Variants in MRPL30 observed in about 807,000 individuals in gnomAD.
MRPL30 encodes the protein mitochondrial ribosomal protein L30.
Under a neutral mutation model 17.2 loss-of-function variants are expected in MRPL30, and 10 were observed. The observed-to-expected ratio is 0.58, with a 90% CI of 0.36 to 0.99. The LOEUF is 0.99. MRPL30 is among the 50% of genes least tolerant of loss of function. MRPL30 has a pLI of 0.01. For missense variants in MRPL30, 170 were observed against 189.8 expected (o/e 0.90, Z 0.61); for synonymous variants, 61 against 62.1 (o/e 0.98, Z 0.08).
chr2:99,195,072 T>A, intron 4 of MRPL30, 44 bp from the exon 5 acceptor site: 4 of 1,503,024 alleles, frequency 2.7e-6, no homozygotes, highest in Non-Finnish European at 3.6e-6. Context: ...TGGAACTATC[T>A]GCTTTTCAGA....
At chr2:99,183,402 C>T (rs982623940) in intron 1 of MRPL30, among the ~76,000 whole-genome samples, 1 of 152,058 alleles carries the variant, frequency 6.6e-6, no homozygotes, top group African/African-American at 2.4e-5. Flanking sequence ...AACCCCGTCT[C>T]CACTAAAAAT....
chr2:99,195,702 C>G lies in MRPL30; in HGVS notation c.483C>G (p.Ser161=), dbSNP rs772760414. 1 of 1,611,808 alleles carries G rather than the reference C, an allele frequency of 6.2e-7. No homozygotes were observed. The highest frequency in any genetic ancestry group is 1.3e-5 in the African/African-American group (1 of 74,834). The change falls in exon 6 of 6, where the codon TCC becomes TCG. Residue 161 remains serine (S), a synonymous_variant. Coordinates refer to ENST00000338148, the MANE Select transcript of MRPL30 (RefSeq NM_145212.4). ...CTGTGGAGCAGAAAGCACATGAGTC[C>G]TAATGCCCCAGCAGCTTCCGATTGG... is the stretch of plus-strand genomic sequence containing the variant. ...LKPVEQKAHE[S]
intron 3 of MRPL30, among the ~76,000 whole-genome samples, chr2:99,189,868 C>T (rs1030543463): frequency 6.6e-6 from 1 of 151,932 alleles, no homozygotes; most frequent in Non-Finnish European, 1.5e-5. Context: ...CCATCCATCT[C>T]CAGAACTCTT....
At chr2:99,187,553 C>T (rs911467463) in intron 2 of MRPL30, among the ~76,000 whole-genome samples, 39 of 152,254 alleles carry the variant, frequency 2.6e-4, no homozygotes, top group African/African-American at 9.4e-4. Flanking sequence ...CGGCTGGGCG[C>T]GGTGGCTCAC....
intron 3 of MRPL30, among the ~76,000 whole-genome samples, chr2:99,191,816 G>A (rs146134384): frequency 6.6e-5 from 10 of 152,062 alleles, no homozygotes; most frequent in African/African-American, 9.6e-5. Flanking sequence ...CAACATAGTC[G>A]CGCATAGTTT....
chr2:99,195,634 C>T lies in MRPL30; in HGVS notation c.415C>T (p.Leu139Phe). ...AGAGGAGAACATGTCTAACACGTGC[C>T]TCAAAAGCACTGGGGAGTTAGTAGT... ...PAEENMSNTC[L>F]KSTGELVVQW... Residue 139 changes from leucine (L) to phenylalanine (F), a missense_variant, in exon 6 of 6, where the codon CTC (leucine) becomes TTC (phenylalanine). Coordinates refer to ENST00000338148, the MANE Select transcript of MRPL30 (RefSeq NM_145212.4). The T allele has an allele frequency of 6.2e-7, 1 of 1,613,652 alleles. No individual in the cohort carries two copies. The highest frequency in any genetic ancestry group is 1.1e-5 in the South Asian group (1 of 90,996).
Position 99,186,977 on chromosome 2 carries a change from G to A in MRPL30, c.51+723G>A, listed in dbSNP as rs547920881. ...ATCTGCTCATAAGGGCCAGAGCCTA[G>A]ATGAGCCTATTGACCTGCTCCTGGC... On this transcript the variant is annotated intron_variant, in intron 2 of 5. Transcript: ENST00000338148. 2.6e-5 allele frequency: 4 copies of A among 152,394 alleles called. 1 individual carries two copies. The highest frequency in any genetic ancestry group is 4.1e-4 in the South Asian group (2 of 4,826). The allele number at this position is 152,394 out of a possible 1,614,324, so 9.4% of individuals were successfully genotyped here.
intron 3 of MRPL30, among the ~76,000 whole-genome samples, chr2:99,191,217 G>T (rs2093945083): frequency 6.6e-6 from 1 of 152,104 alleles, no homozygotes; most frequent in South Asian, 2.1e-4. Context: ...ATGCTGGCCA[G>T]GATGGTCTTG....
intron 3 of MRPL30, among the ~76,000 whole-genome samples, chr2:99,193,475 T>C (rs925807497): frequency 6.6e-6 from 1 of 152,214 alleles, no homozygotes; most frequent in Non-Finnish European, 1.5e-5. Flanking sequence ...TCCCCAGAGC[T>C]ATGACTCTTG....
chr2:99,192,229 T>G (rs2093947687), intron 3 of MRPL30, among the ~76,000 whole-genome samples: 1 of 152,286 alleles, frequency 6.6e-6, no homozygotes, highest in East Asian at 1.9e-4. Context: ...AATCAATGCT[T>G]CTCTAGCTGC....
At chr2:99,184,824 T>C (rs1340995483) in intron 1 of MRPL30, among the ~76,000 whole-genome samples, 1 of 152,222 alleles carries the variant, frequency 6.6e-6, no homozygotes, top group African/African-American at 2.4e-5. Flanking sequence ...GGAGATGTCT[T>C]GCGTTGATTC....
At chr2:99,193,781 G>A (rs548322825) in intron 3 of MRPL30, among the ~76,000 whole-genome samples, 1 of 152,234 alleles carries the variant, frequency 6.6e-6, no homozygotes, top group East Asian at 1.9e-4. Context: ...GTTCACACCT[G>A]TAATCCTAGC....
intron 3 of MRPL30, among the ~76,000 whole-genome samples, chr2:99,192,549 TG>T (rs2093948480): frequency 6.6e-6 from 1 of 152,240 alleles, no homozygotes; most frequent in African/African-American, 2.4e-5. Context: ...TCCATGTCCC[TG>T]CAAAGGACAT....
chr2:99,185,832 T>G (rs1462259942), intron 1 of MRPL30: 1 of 444,734 alleles, frequency 2.2e-6, no homozygotes. Flanking sequence ...TTGGAATTTC[T>G]TCAGTCCCTT....
intron 3 of MRPL30, among the ~76,000 whole-genome samples, chr2:99,190,801 G>T (rs1201265315): frequency 1.3e-5 from 2 of 152,100 alleles, no homozygotes; most frequent in African/African-American, 4.8e-5. Flanking sequence ...AATGCATACT[G>T]GGCTTCATAC....
intron 3 of MRPL30, among the ~76,000 whole-genome samples, chr2:99,191,774 C>G (rs914118187): frequency 6.6e-6 from 1 of 152,156 alleles, no homozygotes; most frequent in African/African-American, 2.4e-5. Context: ...CCTTCATTAA[C>G]TCTGTATCCC....
intron 4 of MRPL30, 104 bp from the exon 5 acceptor site, chr2:99,195,012 T>A: frequency 7.4e-7 from 1 of 1,350,176 alleles, no homozygotes; most frequent in Non-Finnish European, 1.0e-6. Flanking sequence ...GGTAATTTAT[T>A]TATAAATTTG....
intron 1 of MRPL30, among the ~76,000 whole-genome samples, chr2:99,185,299 T>C (rs531620139): frequency 2.0e-5 from 3 of 152,334 alleles, no homozygotes; most frequent in Admixed American, 2.0e-4. Context: ...AGAGTATTCT[T>C]ATTAGCTTTG....
chr2:99,188,140 GA>G (rs1265745215), intron 2 of MRPL30, 36 bp from the exon 3 acceptor site: 1 of 1,479,018 alleles, frequency 6.8e-7, no homozygotes, highest in Admixed American at 2.2e-5. Context: ...TCTACTGACA[GA>G]ATTCTAAAAA....
Sources: gnomAD v4.1 joint callset for allele counts (sites outside exome capture counted in the v4.1 genomes callset) on GRCh38, gnomAD v4.1.1 for gene constraint, MANE v1.5 for transcripts, NCBI Gene and HGNC (gene_info 2026-07-23, HGNC 2026-07-21) for gene names.